Variants in NAV2 observed in about 807,000 individuals in gnomAD.
NAV2 encodes neuron navigator 2, also known as helicase, APC down-regulated 1.
In NAV2, 54 loss-of-function variants were observed where a neutral mutation model predicts 223.2. The observed-to-expected ratio is 0.24, with a 90% CI of 0.19 to 0.30. The LOEUF (loss-of-function observed/expected upper bound fraction) is 0.30, where lower values mean the gene tolerates loss of function less well. NAV2 is among the 10% of genes least tolerant of loss of function. NAV2 has a pLI of 1.00. For synonymous variants in NAV2, 1,279 were observed against 1,239.3 expected, an observed-to-expected ratio of 1.03 and a Z score of -0.67; for missense variants, 2,806 against 3,147.5, an observed-to-expected ratio of 0.89 and a Z score of 2.60.
intron 10 of NAV2, among the ~76,000 whole-genome samples, chr11:19,968,814 C>G (rs2048983887): frequency 6.6e-6 from 1 of 152,186 alleles, no homozygotes; most frequent in African/African-American, 2.4e-5. Flanking sequence ...GGCTCCTACT[C>G]TGGAGGTCAT....
rs550702932 is a variant in NAV2, at chr11:19,579,645, A to G, written c.75+228618A>G. Among the ~76,000 whole-genome samples, 12 of 152,358 alleles carry G rather than the reference A, an allele frequency of 7.9e-5. No homozygotes were observed. The East Asian group carries it at 2.3e-3, about 29-fold the overall frequency. On this transcript the variant is annotated intron_variant, in intron 1 of 37. Coordinates refer to the NAV2 transcript ENST00000360655. Reference sequence around the variant, plus strand: ...AGACACTTCGTTGTAAGGCAATAAGAAAGAGTAAATGCAATGATATGTGTT... The same window carrying G: ...AGACACTTCGTTGTAAGGCAATAAGGAAGAGTAAATGCAATGATATGTGTT...
intron 1 of NAV2, among the ~76,000 whole-genome samples, chr11:19,772,443 T>C (rs2055788725): frequency 1.3e-5 from 2 of 152,184 alleles, no homozygotes; most frequent in Admixed American, 1.3e-4. Flanking sequence ...TCCTTTTCAG[T>C]ATTGCTGTGA....
intron 11 of NAV2, among the ~76,000 whole-genome samples, chr11:19,989,708 C>T (rs2051140622): frequency 2.0e-5 from 3 of 152,056 alleles, no homozygotes; most frequent in Admixed American, 2.0e-4. Flanking sequence ...TCTCATTTAC[C>T]CCTGACCCTT....
intron 11 of NAV2, among the ~76,000 whole-genome samples, chr11:20,010,834 T>C (rs965841081): frequency 2.6e-5 from 4 of 152,198 alleles, no homozygotes; most frequent in Admixed American, 2.6e-4. Flanking sequence ...TCTAGGAAAC[T>C]TTAAGTACTG....
At chr11:19,373,834 G>T (rs1848551525) in intron 1 of NAV2, among the ~76,000 whole-genome samples, 1 of 152,172 alleles carries the variant, frequency 6.6e-6, no homozygotes, top group Non-Finnish European at 1.5e-5. Context: ...CATGTTGAAT[G>T]AAAGAAAATA....
intron 1 of NAV2, among the ~76,000 whole-genome samples, chr11:19,369,714 C>G (rs1346096901): frequency 1.3e-5 from 2 of 152,076 alleles, no homozygotes; most frequent in African/African-American, 4.8e-5. Context: ...ATTTCCTTAC[C>G]CCAGCATACT....
intron 1 of NAV2, among the ~76,000 whole-genome samples, chr11:19,662,598 C>G (rs569374081): frequency 6.6e-6 from 1 of 152,266 alleles, no homozygotes; most frequent in Non-Finnish European, 1.5e-5. Flanking sequence ...GGAGGGGTGA[C>G]AGTGTGGCCC....
rs576357280 is a variant in NAV2 at position 19,672,977 on chromosome 11, A to G, written c.76-159507A>G. 9.2e-5 allele frequency among the ~76,000 whole-genome samples: 14 copies of G among 152,348 alleles called. No homozygotes were observed. In the South Asian group the frequency reaches 2.9e-3, roughly 32 times the overall value. On this transcript the variant is annotated intron_variant, in intron 1 of 37. Transcript: ENST00000360655. ...GGCCTCTCTTCAAAAGGAATTTGAGACAGGTTGTAACAAGTTACATGGATA... is the reference window on the plus strand; with the variant it reads ...GGCCTCTCTTCAAAAGGAATTTGAGGCAGGTTGTAACAAGTTACATGGATA...
At chr11:19,405,128 C>T (rs955089646) in intron 1 of NAV2, among the ~76,000 whole-genome samples, 5 of 152,132 alleles carry the variant, frequency 3.3e-5, no homozygotes, top group Non-Finnish European at 2.9e-5. Context: ...TGCCCCTGAG[C>T]GTTCATGAAT....
chr11:19,345,300 G>A, the NAV2 span, among the ~76,000 whole-genome samples: 1 of 152,272 alleles, frequency 6.6e-6, no homozygotes, highest in Non-Finnish European at 1.5e-5. This position sits in a 1 kb window ranked among gnomAD's most constrained non-coding sequence, Gnocchi z 5.2. Context: ...CGCGAAGCCG[G>A]TGTGGGCGCA....
At chr11:19,399,586 C>A (rs1170819782) in intron 1 of NAV2, among the ~76,000 whole-genome samples, 1 of 152,210 alleles carries the variant, frequency 6.6e-6, no homozygotes, top group Non-Finnish European at 1.5e-5. Context: ...GGGGTCAGAG[C>A]CCCCTCATGC....
chr11:19,451,404 C>T (rs1851786232), intron 1 of NAV2, among the ~76,000 whole-genome samples: 1 of 152,154 alleles, frequency 6.6e-6, no homozygotes, highest in African/African-American at 2.4e-5. Flanking sequence ...CCGTCTATAC[C>T]TCTCCCCAAA....
chr11:19,560,842 C>A (rs2134762725), intron 1 of NAV2, among the ~76,000 whole-genome samples: 1 of 152,224 alleles, frequency 6.6e-6, no homozygotes, highest in South Asian at 2.1e-4. Flanking sequence ...ACTAAGTGGG[C>A]AAGAGGAAAG....
chr11:19,537,108 T>C (rs1375595342), intron 1 of NAV2, among the ~76,000 whole-genome samples: 17 of 152,124 alleles, frequency 1.1e-4, no homozygotes, highest in Admixed American at 6.5e-5. Flanking sequence ...ATAAAAAGGG[T>C]CCCTGGGGAT....
chr11:19,617,932 T>C (rs1385640145), intron 1 of NAV2, among the ~76,000 whole-genome samples: 1 of 152,110 alleles, frequency 6.6e-6, no homozygotes, highest in Non-Finnish European at 1.5e-5. Flanking sequence ...ACCCTCTTCC[T>C]ACAGATATCC....
At chr11:19,709,857 G>T (rs2049812412), upstream of NAV2, among the ~76,000 whole-genome samples, 1 of 152,090 alleles carries the variant, frequency 6.6e-6, no homozygotes. Context: ...GGAAGAAGAG[G>T]CAGGAAAAGA....
intron 1 of NAV2, among the ~76,000 whole-genome samples, chr11:19,595,994 C>T (rs1310208260): frequency 3.9e-5 from 6 of 152,222 alleles, no homozygotes; most frequent in Non-Finnish European, 5.9e-5. Flanking sequence ...ATCTGTACCA[C>T]GTGCAGTGCA....
chr11:19,874,785 G>A (rs987741902), intron 4 of NAV2, among the ~76,000 whole-genome samples: 1 of 152,202 alleles, frequency 6.6e-6, no homozygotes, highest in Non-Finnish European at 1.5e-5. Flanking sequence ...AAAATATGGT[G>A]TATCTATATG....
At chr11:19,478,781 A>G (rs532810524) in intron 1 of NAV2, among the ~76,000 whole-genome samples, 1 of 152,274 alleles carries the variant, frequency 6.6e-6, no homozygotes, top group East Asian at 1.9e-4. Flanking sequence ...TTTACCCAGC[A>G]TCTCTCTGCT....
Sources: gnomAD v4.1 joint callset for allele counts (sites outside exome capture counted in the v4.1 genomes callset) on GRCh38, gnomAD v4.1.1 for gene constraint, Gnocchi (gnomAD v3.1) non-coding constraint, MANE v1.5 for transcripts, NCBI Gene and HGNC (gene_info 2026-07-23, HGNC 2026-07-21) for gene names.